EXOC2: variants seen among roughly 807,000 people sequenced by gnomAD.
EXOC2 encodes exocyst complex component 2, also known as SEC5-like 1.
Under a neutral mutation model 131.8 loss-of-function variants are expected in EXOC2, and 70 were observed. That is an observed-to-expected ratio of 0.53 (90% CI 0.44 to 0.65). The LOEUF (loss-of-function observed/expected upper bound fraction) is 0.65, where lower values mean the gene tolerates loss of function less well. EXOC2 is among the 30% of genes least tolerant of loss of function. EXOC2 has a pLI of 0.00. For synonymous variants in EXOC2, 411 were observed against 398.4 expected (o/e 1.03, Z -0.38); for missense variants, 923 against 1,108.6 (o/e 0.83, Z 2.38).
At chr6:612,643 A>G (rs562676909) in intron 6 of EXOC2, among the ~76,000 whole-genome samples, 2 of 152,354 alleles carry the variant, frequency 1.3e-5, no homozygotes, top group South Asian at 2.1e-4. Context: ...AATGATACCT[A>G]CCTGAATTAT....
At chr6:573,442 G>C (rs1758400630) in intron 12 of EXOC2, among the ~76,000 whole-genome samples, 1 of 152,102 alleles carries the variant, frequency 6.6e-6, no homozygotes, top group Admixed American at 6.5e-5. Flanking sequence ...GCCATGGCAG[G>C]GGCACTGCAG....
At chr6:657,103 T>G in intron 1 of EXOC2, 1 of 559,338 alleles carries the variant, frequency 1.8e-6, no homozygotes. Context: ...CGGGTTCTGT[T>G]GTGGGTTCCG....
intron 1 of EXOC2, among the ~76,000 whole-genome samples, chr6:667,905 C>CCATG (rs1444107404): frequency 5.6e-4 from 85 of 151,878 alleles, no homozygotes; most frequent in Admixed American, 1.8e-3. Context: ...ATCCATCCAT[C>CCATG]CATCCATCCG....
intron 16 of EXOC2, among the ~76,000 whole-genome samples, chr6:563,819 T>G (rs1757823528): frequency 1.3e-5 from 2 of 152,244 alleles, no homozygotes; most frequent in Non-Finnish European, 2.9e-5. Context: ...CATTTTCAAG[T>G]GTATCCATCT....
chr6:567,837 G>A (rs1230067790), intron 13 of EXOC2, among the ~76,000 whole-genome samples: 9 of 152,198 alleles, frequency 5.9e-5, no homozygotes, highest in Non-Finnish European at 7.3e-5. Context: ...TGCCCCAAAC[G>A]CTCTGGGTCC....
At chr6:622,542 C>A (rs1165398993) in intron 4 of EXOC2, among the ~76,000 whole-genome samples, 1 of 152,106 alleles carries the variant, frequency 6.6e-6, no homozygotes, top group African/African-American at 2.4e-5. Flanking sequence ...ATCTGTGACA[C>A]AATGGTAGCA....
At chr6:552,414 C>T (rs867141137) in intron 21 of EXOC2, among the ~76,000 whole-genome samples, 5 of 152,198 alleles carry the variant, frequency 3.3e-5, no homozygotes, top group African/African-American at 9.7e-5. Flanking sequence ...ACTCTTGGGG[C>T]GACTCCACCT....
chr6:635,977 C>T (rs1253315650), intron 2 of EXOC2, among the ~76,000 whole-genome samples: 5 of 152,360 alleles, frequency 3.3e-5, no homozygotes, highest in South Asian at 2.1e-4. Context: ...GCAGGAGAAT[C>T]GCTTGAACCC....
chr6:672,389 G>A (rs555039822), intron 1 of EXOC2, among the ~76,000 whole-genome samples: 5 of 152,326 alleles, frequency 3.3e-5, no homozygotes, highest in Admixed American at 1.3e-4. Flanking sequence ...TTGCTGGTTT[G>A]ATCATTCTAA....
chr6:567,652 T>C (rs1316793419), intron 13 of EXOC2, among the ~76,000 whole-genome samples: 1 of 152,076 alleles, frequency 6.6e-6, no homozygotes, highest in East Asian at 1.9e-4. Context: ...CATGTCTACA[T>C]ACGTGTACAT....
intron 6 of EXOC2, among the ~76,000 whole-genome samples, chr6:611,425 T>C (rs1760708644): frequency 6.6e-6 from 1 of 152,198 alleles, no homozygotes; most frequent in African/African-American, 2.4e-5. Flanking sequence ...GCTTTCTAAG[T>C]CAAAATTAGC....
intron 23 of EXOC2, among the ~76,000 whole-genome samples, chr6:528,196 T>C (rs1381777892): frequency 1.3e-5 from 2 of 152,022 alleles, no homozygotes; most frequent in Non-Finnish European, 2.9e-5. Context: ...TGTTGAATCA[T>C]GAAATTAATC....
intron 10 of EXOC2, among the ~76,000 whole-genome samples, chr6:595,023 T>G (rs756372437): frequency 2.0e-5 from 3 of 152,134 alleles, no homozygotes; most frequent in Non-Finnish European, 4.4e-5. Flanking sequence ...AAAGGAAGTT[T>G]TTAGTCATAT....
intron 17 of EXOC2, among the ~76,000 whole-genome samples, chr6:559,050 C>G (rs1757570493): frequency 6.6e-6 from 1 of 152,108 alleles, no homozygotes. Flanking sequence ...ATAGTTCTGT[C>G]TCTGTGTATT....
At chr6:574,684 T>C (rs1395172100) in intron 12 of EXOC2, among the ~76,000 whole-genome samples, 2 of 152,260 alleles carry the variant, frequency 1.3e-5, no homozygotes, top group East Asian at 1.9e-4. Flanking sequence ...CTAATATTTA[T>C]TGAGGATTAA....
chr6:492,709 T>G (rs945718580), intron 25 of EXOC2, among the ~76,000 whole-genome samples: 1 of 152,096 alleles, frequency 6.6e-6, no homozygotes, highest in Non-Finnish European at 1.5e-5. Flanking sequence ...ATCATAGAGA[T>G]AGAAAGCCAA....
chr6:587,585 T>C (rs1759284660), intron 11 of EXOC2, among the ~76,000 whole-genome samples: 4 of 152,158 alleles, frequency 2.6e-5, no homozygotes, highest in Admixed American at 2.6e-4. Context: ...TGCAATGACA[T>C]ACACATATAG....
chr6:689,848 G>C (rs748706577), intron 1 of EXOC2, among the ~76,000 whole-genome samples: 1 of 152,142 alleles, frequency 6.6e-6, no homozygotes, highest in Non-Finnish European at 1.5e-5. Flanking sequence ...CAAGTGCTAG[G>C]TGGTTATAGG....
chr6:680,788 A>G (rs1052971477), intron 1 of EXOC2, among the ~76,000 whole-genome samples: 2 of 152,202 alleles, frequency 1.3e-5, no homozygotes, highest in African/African-American at 4.8e-5. Flanking sequence ...AAAAGGGATG[A>G]AAAAAAGTTA....
Sources: allele counts gnomAD v4.1 joint callset (sites outside exome capture counted in the v4.1 genomes callset), GRCh38; gene constraint gnomAD v4.1.1; transcripts MANE v1.5; gene names NCBI Gene and HGNC (gene_info 2026-07-23, HGNC 2026-07-21).